NRP2: variants seen among roughly 807,000 people sequenced by gnomAD.
NRP2 encodes the protein neuropilin-2.
A neutral mutation model predicts 110.4 loss-of-function variants in NRP2; 52 were observed. The observed-to-expected ratio is 0.47, with a 90% CI of 0.38 to 0.59. The LOEUF is 0.59. Ranked by LOEUF, NRP2 falls within the 20% of genes least tolerant of loss-of-function variation. The pLI, the probability that NRP2 is intolerant of heterozygous loss-of-function variation, is 0.00. For missense variants in NRP2, 1,049 were observed against 1,203.0 expected, an observed-to-expected ratio of 0.87 and a Z score of 1.89; for synonymous variants, 508 against 468.9, an observed-to-expected ratio of 1.08 and a Z score of -1.08.
intron 2 of NRP2, among the ~76,000 whole-genome samples, chr2:205,709,029 C>T (rs904061405): frequency 6.6e-6 from 1 of 152,252 alleles, no homozygotes; most frequent in African/African-American, 2.4e-5. Flanking sequence ...GTGCCATACA[C>T]TGTGCTGACC....
intron 2 of NRP2, among the ~76,000 whole-genome samples, chr2:205,710,553 A>G (rs189685511): frequency 2.4e-4 from 36 of 152,374 alleles, no homozygotes; most frequent in Admixed American, 9.1e-4. Context: ...TACTTTAAAA[A>G]GTCTGACCTG....
intron 15 of NRP2, chr2:205,776,993 C>A (rs779300971): frequency 1.9e-6 from 2 of 1,045,638 alleles, no homozygotes; most frequent in Non-Finnish European, 2.3e-6. Flanking sequence ...TGTGAGAGAG[C>A]GGCTGGTTCA....
In NRP2 at chr2:205,752,912, C is replaced by T; in HGVS notation, c.1981C>T (p.His661Tyr). The T allele has an allele frequency of 1.2e-6, 2 of 1,614,186 alleles. No individual in the cohort carries two copies. The highest frequency in any genetic ancestry group is 1.7e-6 in the Non-Finnish European group (2 of 1,180,038). The change falls in exon 12 of 17, where the codon CAT (histidine) becomes TAT (tyrosine). Residue 661 changes from histidine (H) to tyrosine (Y), a missense_variant. Coordinates refer to ENST00000357785, the MANE Select transcript of NRP2 (RefSeq NM_003872.3). ...LEEPCGWMYD[H>Y]AKWLRTTWAS... ...GGAGCCCTGTGGTTGGATGTATGAC[C>T]ATGCCAAGTGGCTCCGGACCACCTG...
At chr2:205,700,212 G>A (rs534930222) in intron 2 of NRP2, among the ~76,000 whole-genome samples, 24 of 152,190 alleles carry the variant, frequency 1.6e-4, no homozygotes, top group Admixed American at 3.9e-4. Flanking sequence ...CTGCATTTTC[G>A]TTCCAAGGGA....
At chr2:205,683,992 G>A (rs566433272) in intron 1 of NRP2, among the ~76,000 whole-genome samples, 82 of 152,212 alleles carry the variant, frequency 5.4e-4, no homozygotes, top group Non-Finnish European at 9.1e-4. Context: ...CTTCATCCAT[G>A]TGTTGTCTGG....
rs953378164 is a variant in NRP2, at chr2:205,722,493, C to A, written c.449C>A (p.Ser150Ter). Residue 150 changes from serine (S) to a stop codon, truncating the protein, a stop_gained, in exon 4 of 17, where the codon TCA becomes TAA. Transcript: ENST00000357785. LOFTEE classifies it high-confidence loss of function. ...EIFKTGSEDCSKNFTSPNGTI... is the reference protein window; with the variant it reads ...EIFKTGSEDC ...TTACATACAGGCTCTGAAGATTGCT[C>A]AAAAAACTTCACAAGCCCCAACGGG... 6.2e-7 allele frequency: 1 copy of A among 1,614,062 alleles called. No homozygotes were observed. Among genetic ancestry groups the A allele is most frequent in the South Asian group, 1.1e-5 (1 of 91,066 alleles).
At chr2:205,776,247 G>T in intron 15 of NRP2, 1 of 1,612,412 alleles carries the variant, frequency 6.2e-7, no homozygotes. Flanking sequence ...CTCCACCAGG[G>T]GGCACCCTCC....
chr2:205,728,445 T>C (rs1204264443), intron 7 of NRP2, among the ~76,000 whole-genome samples: 1 of 152,096 alleles, frequency 6.6e-6, no homozygotes, highest in African/African-American at 2.4e-5. Context: ...GTTACCGAGC[T>C]CTGGAAATGA....
Position 205,789,294 on chromosome 2 carries a change from A to G in NRP2, c.2426-2941A>G, listed in dbSNP as rs535410443. 4.6e-5 allele frequency among the ~76,000 whole-genome samples: 7 copies of G among 152,304 alleles called. No individual in the cohort carries two copies. In the South Asian group the frequency reaches 1.4e-3, roughly 32 times the overall value. On this transcript the variant is annotated intron_variant, in intron 15 of 16. Transcript: ENST00000357785. ...CAGGCTGACCTGAGACTGAATCCAC[A>G]TGGGGGCCTAGAAGGAAACAGGGTC...
chr2:205,697,827 G>A (rs1299177655), intron 2 of NRP2, 106 bp downstream of exon 2: 15 of 1,130,338 alleles, frequency 1.3e-5, no homozygotes, highest in Admixed American at 1.0e-4. Context: ...AAGACCTGCT[G>A]CTAACCAGTG....
At chr2:205,720,632 T>G (rs2056991804) in intron 3 of NRP2, among the ~76,000 whole-genome samples, 1 of 152,220 alleles carries the variant, frequency 6.6e-6, no homozygotes, top group Admixed American at 6.5e-5. Context: ...GTGGCCCGCA[T>G]GAAGAATGCT....
At chr2:205,690,488 C>A (rs887152210) in intron 1 of NRP2, among the ~76,000 whole-genome samples, 1 of 151,888 alleles carries the variant, frequency 6.6e-6, no homozygotes, top group Non-Finnish European at 1.5e-5. Flanking sequence ...GTAATCCCAG[C>A]ACTTTGGGAG....
rs142973864 is a variant in NRP2 at position 205,725,865 on chromosome 2, G to A, written c.821-48G>A. ...GAGGCAGCATTTGGGGGATCCCGAG[G>A]TATGAGGTTGGAAGGCCTAACTGCA... On this transcript the variant is annotated intron_variant, in intron 5 of 16. Transcript: ENST00000357785. This position sits in a 1 kb window ranked among gnomAD's most constrained non-coding sequence, Gnocchi z 4.1. 107 of 1,605,872 alleles carry A rather than the reference G, an allele frequency of 6.7e-5. No homozygotes were observed. In the African/African-American group the frequency reaches 8.7e-4, roughly 13 times the overall value.
chr2:205,777,352 G>C (rs956341869), intron 15 of NRP2: 2 of 158,486 alleles, frequency 1.3e-5, no homozygotes, highest in African/African-American at 4.8e-5. Flanking sequence ...CAGCCACTGG[G>C]TGTCTGCGGA....
At chr2:205,730,992 C>A (rs2057228075) in intron 7 of NRP2, among the ~76,000 whole-genome samples, 1 of 152,208 alleles carries the variant, frequency 6.6e-6, no homozygotes. Flanking sequence ...AGAAAGTGGT[C>A]AGTCACACTG....
intron 5 of NRP2, 116 bp downstream of exon 5, chr2:205,724,056 T>C (rs753774060): frequency 1.2e-5 from 14 of 1,178,534 alleles, no homozygotes; most frequent in Non-Finnish European, 1.6e-5. Flanking sequence ...ACGGAATTTA[T>C]GGTGGCATCT....
In NRP2 at chr2:205,686,595, A is replaced by C. The variant is rs2056170921; in HGVS notation, c.73+3232A>C. Among the ~76,000 whole-genome samples, 1 of 152,142 alleles carries C rather than the reference A, an allele frequency of 6.6e-6. No homozygotes were observed. Among genetic ancestry groups the C allele is most frequent in the African/African-American group, 2.4e-5 (1 of 41,432 alleles). ...CAGCGGCTGGGTGGCGGGCGCCGGT[A>C]GCCCTAGTGTTTGGAGGTGGGGGAG... On this transcript the variant is annotated intron_variant, in intron 1 of 16. Transcript: ENST00000357785. The surrounding 1 kb of genome is among the most constrained non-coding windows in gnomAD (Gnocchi z 4.7).
intron 15 of NRP2, among the ~76,000 whole-genome samples, chr2:205,785,296 T>C (rs1483300511): frequency 2.0e-5 from 3 of 151,956 alleles, no homozygotes; most frequent in Non-Finnish European, 2.9e-5. Flanking sequence ...ACCTCAAATA[T>C]TGGAACTAGA....
intron 15 of NRP2, among the ~76,000 whole-genome samples, chr2:205,787,254 G>A (rs2058245639): frequency 6.6e-6 from 1 of 152,084 alleles, no homozygotes; most frequent in Non-Finnish European, 1.5e-5. Flanking sequence ...CACATCCCAC[G>A]CCGCTTCCTT....
Sources: allele counts gnomAD v4.1 joint callset (sites outside exome capture counted in the v4.1 genomes callset), GRCh38; gene constraint gnomAD v4.1.1; non-coding constraint Gnocchi (gnomAD v3.1); transcripts MANE v1.5; gene names NCBI Gene and HGNC (gene_info 2026-07-23, HGNC 2026-07-21).